HERC1: variants seen among roughly 807,000 people sequenced by gnomAD.
HERC1 encodes the protein probable E3 ubiquitin-protein ligase HERC1.
A neutral mutation model predicts 554.3 loss-of-function variants in HERC1; 160 were observed. The observed-to-expected ratio is 0.29, with a 90% CI of 0.25 to 0.33. The LOEUF (loss-of-function observed/expected upper bound fraction) is 0.33, where lower values mean the gene tolerates loss of function less well. Among genes scored for constraint, HERC1 ranks in the 10% least tolerant of loss-of-function variants. The pLI, the probability that HERC1 is intolerant of heterozygous loss-of-function variation, is 1.00. For missense variants in HERC1, 4,919 were observed against 5,918.5 expected, an observed-to-expected ratio of 0.83 and a Z score of 5.54; for synonymous variants, 2,175 against 2,131.7, an observed-to-expected ratio of 1.02 and a Z score of -0.56.
chr15:63,666,179 G>T, intron 41 of HERC1, 29 bp from the exon 42 acceptor site: 1 of 1,560,740 alleles, frequency 6.4e-7, no homozygotes, highest in South Asian at 1.1e-5. Flanking sequence ...GTCTGATGCT[G>T]ACTTTGGGCA....
At position 63,661,942 on chromosome 15, in the gene HERC1, T is replaced by G; in HGVS notation, c.8981A>C (p.His2994Pro). ...ACAGCCTGGATGGTTTCTCTTCATGTGCTGATTGAAGCTGACGACGCTGCA... is the reference window on the plus strand; with the variant it reads ...ACAGCCTGGATGGTTTCTCTTCATGGGCTGATTGAAGCTGACGACGCTGCA... ...CECSVVSFNQ[H>P]MKRNHPGCGR... The change falls in exon 45 of 78, where the codon CAC becomes CCC. Residue 2994 changes from histidine to proline, a missense_variant. Transcript: ENST00000443617. 6.2e-7 allele frequency: 1 copy of G among 1,614,034 alleles called. No homozygotes were observed. The highest frequency in any genetic ancestry group is 8.5e-7 in the Non-Finnish European group (1 of 1,179,882).
Position 63,672,510 on chromosome 15 carries a change from A to T in HERC1, c.8031T>A (p.Pro2677=), listed in dbSNP as rs200623063. 7.5e-6 allele frequency: 12 copies of T among 1,595,722 alleles called. No individual in the cohort carries two copies. In the Admixed American group the frequency reaches 2.1e-4, roughly 28 times the overall value. The change falls in exon 39 of 78, where the codon CCT becomes CCA. Residue 2677 remains proline (P), a synonymous_variant. Coordinates refer to ENST00000443617, the MANE Select transcript of HERC1 (RefSeq NM_003922.4). The part of the protein sequence containing the change: ...VPASESPGVM[P]LSLLRQMFSS... The stretch of plus-strand genomic sequence containing the variant: ...AACTTCTCTACCTGAGAAGACTAAG[A>T]GGCATCACTCCCGGGGACTCGGATG...
intron 59 of HERC1, among the ~76,000 whole-genome samples, chr15:63,642,527 G>A (rs1374369072): frequency 6.6e-6 from 1 of 152,012 alleles, no homozygotes; most frequent in East Asian, 1.9e-4. Context: ...TAGTAGAGAT[G>A]GGGTTTCACC....
chr15:63,612,049 G>A lies in HERC1; in HGVS notation c.14400+202C>T, dbSNP rs1020277403. ...AAATATACAAAAAAATTAGCCAGGC[G>A]TGGTGGCACGCACCTGTAGTCCCAG... On this transcript the variant is annotated intron_variant, in intron 77 of 77. Transcript: ENST00000443617. This position sits in a 1 kb window ranked among gnomAD's most constrained non-coding sequence, Gnocchi z 5.0. Among the ~76,000 whole-genome samples the A allele has an allele frequency of 4.6e-5, 7 of 152,170 alleles. No individual in the cohort carries two copies. The highest frequency in any genetic ancestry group is 1.3e-4 in the Admixed American group (2 of 15,276).
intron 1 of HERC1, among the ~76,000 whole-genome samples, chr15:63,783,458 ATAATG>A (rs1213939076): frequency 5.9e-5 from 9 of 152,218 alleles, no homozygotes; most frequent in African/African-American, 2.2e-4. Flanking sequence ...TTTTCTAGAC[ATAATG>A]CTATTATACA....
intron 22 of HERC1, among the ~76,000 whole-genome samples, chr15:63,715,527 T>A (rs1026025441): frequency 6.6e-6 from 1 of 152,156 alleles, no homozygotes; most frequent in African/African-American, 2.4e-5. Context: ...TCAAGCCCCC[T>A]CAAAAATCAT....
chr15:63,625,937 C>T, intron 71 of HERC1, 48 bp downstream of exon 71: 7 of 1,568,758 alleles, frequency 4.5e-6, no homozygotes, highest in Non-Finnish European at 6.1e-6. Flanking sequence ...ACGGGCACTG[C>T]TTACCAAGCC....
At chr15:63,697,741 C>T (rs2072505051) in intron 26 of HERC1, among the ~76,000 whole-genome samples, 1 of 152,126 alleles carries the variant, frequency 6.6e-6, no homozygotes, top group Non-Finnish European at 1.5e-5. Flanking sequence ...AGGAGTGAGC[C>T]ACCGCGCCCG....
intron 1 of HERC1, among the ~76,000 whole-genome samples, chr15:63,787,566 C>G (rs1175074238): frequency 6.6e-6 from 1 of 151,904 alleles, no homozygotes; most frequent in Non-Finnish European, 1.5e-5. Flanking sequence ...AACAAATACT[C>G]AAAAAAAGTT....
At chr15:63,636,273 G>GTT (rs377344540) in intron 64 of HERC1, 131 bp from the exon 65 acceptor site, 17,639 of 515,412 alleles carry the variant, frequency 0.034, no homozygotes, top group Non-Finnish European at 0.039. Context: ...AATTTCATTA[G>GTT]TTTTTTTTTT....
chr15:63,769,390 A>C (rs1486731391), intron 2 of HERC1, among the ~76,000 whole-genome samples: 1 of 152,224 alleles, frequency 6.6e-6, no homozygotes, highest in African/African-American at 2.4e-5. Context: ...ACTGCACTCC[A>C]GAGTGGGTGA....
rs138041862 is a variant in HERC1, at chr15:63,779,395, T to C, written c.-26-3746A>G. 4.7e-3 allele frequency among the ~76,000 whole-genome samples: 716 copies of C among 152,254 alleles called. 5 individuals carry two copies. Among genetic ancestry groups the C allele is most frequent in the African/African-American group, 0.016 (677 of 41,544 alleles). The stretch of plus-strand genomic sequence containing the variant: ...AAATTACTTTAAAAAGCAAAAGAAT[T>C]AGCCAGGCATTATTTTAAAACAAAA... On this transcript the variant is annotated intron_variant, in intron 1 of 77. Transcript: ENST00000443617.
chr15:63,827,624 C>G (rs913217011), intron 1 of HERC1, among the ~76,000 whole-genome samples: 3 of 152,094 alleles, frequency 2.0e-5, no homozygotes, highest in African/African-American at 7.2e-5. Flanking sequence ...TATGACCCAG[C>G]AATTCCACTC....
chr15:63,621,465 A>G (rs1425179458), intron 74 of HERC1, among the ~76,000 whole-genome samples: 4 of 151,844 alleles, frequency 2.6e-5, no homozygotes, highest in Non-Finnish European at 5.9e-5. Context: ...TCTGACAATT[A>G]TGTGTCTTGG....
chr15:63,632,628 T>C (rs1034764419), intron 68 of HERC1, 81 bp downstream of exon 68: 2 of 919,712 alleles, frequency 2.2e-6, no homozygotes, highest in Admixed American at 2.0e-5. Context: ...AAGGACTCAA[T>C]TTAGAGCACA....
In HERC1 at chr15:63,689,675, G is replaced by A; in HGVS notation, c.5962C>T (p.Leu1988Phe). The A allele has an allele frequency of 6.3e-7, 1 of 1,583,500 alleles. No individual in the cohort carries two copies. The highest frequency in any genetic ancestry group is 8.6e-7 in the Non-Finnish European group (1 of 1,163,128). Residue 1988 changes from leucine (L) to phenylalanine (F), a missense_variant, in exon 33 of 78, where the codon CTC becomes TTC. By Grantham distance (22) the Leu-to-Phe change is conservative. Transcript: ENST00000443617. The part of the protein sequence containing the change: ...AQIVERLFSL[L>F]SDCMWETPIA... ...GGTGTCTCCCACATACAATCAGAGA[G>A]AAGGGAAAATAAGCGCTCAACAATC...
intron 1 of HERC1, among the ~76,000 whole-genome samples, chr15:63,810,444 T>C (rs939952414): frequency 2.6e-5 from 4 of 152,044 alleles, no homozygotes; most frequent in South Asian, 2.1e-4. Context: ...AGGGGCTATA[T>C]ATATGAATGC....
At chr15:63,732,833 T>A (rs1464950602) in intron 14 of HERC1, 91 bp downstream of exon 14, 2 of 838,752 alleles carry the variant, frequency 2.4e-6, no homozygotes, top group Admixed American at 4.6e-5. Context: ...GAGTTTGATT[T>A]CTATCATAGG....
chr15:63,713,264 C>A (rs1437059348), intron 23 of HERC1, 89 bp downstream of exon 23: 2 of 1,101,730 alleles, frequency 1.8e-6, no homozygotes, highest in Non-Finnish European at 2.7e-6. Flanking sequence ...AACATCAGAA[C>A]ACTGTAACTT....
Sources: allele counts gnomAD v4.1 joint callset (sites outside exome capture counted in the v4.1 genomes callset), GRCh38; gene constraint gnomAD v4.1.1; non-coding constraint Gnocchi (gnomAD v3.1); transcripts MANE v1.5; gene names NCBI Gene and HGNC (gene_info 2026-07-23, HGNC 2026-07-21).